Variants in KHDRBS3 observed in about 807,000 individuals in gnomAD.
KHDRBS3 encodes KH domain-containing, RNA-binding, signal transduction-associated protein 3.
In KHDRBS3, 23 loss-of-function variants were observed where a neutral mutation model predicts 45.6. That is an observed-to-expected ratio of 0.50 (90% CI 0.36 to 0.72). KHDRBS3 has a LOEUF of 0.72. Ranked by LOEUF, KHDRBS3 falls within the 30% of genes least tolerant of loss-of-function variation. The pLI, the probability that KHDRBS3 is intolerant of heterozygous loss-of-function variation, is 0.00. For synonymous variants in KHDRBS3, 162 were observed against 156.5 expected (o/e 1.04, Z -0.26); for missense variants, 352 against 424.8 (o/e 0.83, Z 1.51).
intron 6 of KHDRBS3, among the ~76,000 whole-genome samples, chr8:135,589,708 G>T (rs982736154): frequency 6.6e-6 from 1 of 152,160 alleles, no homozygotes; most frequent in Non-Finnish European, 1.5e-5. Flanking sequence ...TAGACTGCGG[G>T]ATCCTTTAGG....
intron 5 of KHDRBS3, among the ~76,000 whole-genome samples, chr8:135,571,577 G>A (rs976176510): frequency 1.3e-5 from 2 of 152,138 alleles, no homozygotes; most frequent in South Asian, 4.1e-4. Context: ...AGAAAAGAGT[G>A]CCATGAAAAT....
chr8:135,499,480 G>A (rs909931955), intron 1 of KHDRBS3, among the ~76,000 whole-genome samples: 1 of 152,070 alleles, frequency 6.6e-6, no homozygotes, highest in Non-Finnish European at 1.5e-5. Context: ...TTGGCTACAT[G>A]TGTATATGTT....
At position 135,639,616 on chromosome 8, in the gene KHDRBS3, C is replaced by T. The variant is rs117491460; in HGVS notation, c.891-5443C>T. ...TGTATTCAAGCCATTTTTGCATTGCCGTAAAGAAGTACCTGGGGCTGGGTA... is the reference window on the plus strand; with the variant it reads ...TGTATTCAAGCCATTTTTGCATTGCTGTAAAGAAGTACCTGGGGCTGGGTA... On this transcript the variant is annotated intron_variant, in intron 7 of 8. Coordinates refer to ENST00000355849, the MANE Select transcript of KHDRBS3 (RefSeq NM_006558.3). Among the ~76,000 whole-genome samples the T allele has an allele frequency of 5.5e-3, 837 of 152,242 alleles. 6 individuals are homozygous for T. The highest frequency in any genetic ancestry group is 0.02 in the Middle Eastern group (6 of 294).
intron 1 of KHDRBS3, among the ~76,000 whole-genome samples, chr8:135,512,384 T>C (rs746221340): frequency 7.2e-6 from 1 of 138,610 alleles, no homozygotes; most frequent in Non-Finnish European, 1.5e-5. Context: ...CCAATGCCTG[T>C]CCTTTAATTA....
intron 8 of KHDRBS3, among the ~76,000 whole-genome samples, chr8:135,646,337 T>C (rs1431052294): frequency 6.6e-6 from 1 of 152,334 alleles, no homozygotes; most frequent in East Asian, 1.9e-4. Flanking sequence ...TCCCTGGTTA[T>C]TAATACCTTT....
intron 4 of KHDRBS3, among the ~76,000 whole-genome samples, chr8:135,556,870 ATT>A (rs1396035027): frequency 6.6e-6 from 1 of 152,172 alleles, no homozygotes; most frequent in Non-Finnish European, 1.5e-5. Flanking sequence ...GAAAGAGCAA[ATT>A]TTCAGGAATA....
At chr8:135,493,357 G>A (rs1563719626) in intron 1 of KHDRBS3, among the ~76,000 whole-genome samples, 1 of 152,026 alleles carries the variant, frequency 6.6e-6, no homozygotes, top group Non-Finnish European at 1.5e-5. Flanking sequence ...GGTAAAAGAG[G>A]ACATTCTTTC....
intron 2 of KHDRBS3, among the ~76,000 whole-genome samples, chr8:135,531,001 T>C (rs373445020): frequency 5.3e-5 from 8 of 152,210 alleles, no homozygotes; most frequent in African/African-American, 1.9e-4. Flanking sequence ...AGCCTGACTT[T>C]TGTAGTCTGG....
intron 5 of KHDRBS3, among the ~76,000 whole-genome samples, chr8:135,562,897 A>G (rs1827236378): frequency 6.6e-6 from 1 of 152,208 alleles, no homozygotes. Flanking sequence ...TCTCCAATGA[A>G]TAGCCATAAA....
At chr8:135,482,384 G>A (rs1407342396) in intron 1 of KHDRBS3, among the ~76,000 whole-genome samples, 2 of 151,862 alleles carry the variant, frequency 1.3e-5, no homozygotes, top group Non-Finnish European at 2.9e-5. Context: ...ATGGTAAATG[G>A]TAAATGGTCA....
At chr8:135,513,423 C>T (rs985946613) in intron 1 of KHDRBS3, among the ~76,000 whole-genome samples, 5 of 152,028 alleles carry the variant, frequency 3.3e-5, no homozygotes, top group African/African-American at 9.7e-5. Context: ...GGGGGGCAGG[C>T]GCTGTTATTT....
intron 5 of KHDRBS3, among the ~76,000 whole-genome samples, chr8:135,562,431 G>C (rs988766097): frequency 1.2e-4 from 19 of 152,114 alleles, no homozygotes; most frequent in African/African-American, 4.6e-4. Flanking sequence ...CGCCACCTAG[G>C]TTTATGTAAG....
chr8:135,462,164 AT>A (rs1354541146), intron 1 of KHDRBS3, among the ~76,000 whole-genome samples: 1 of 146,858 alleles, frequency 6.8e-6, no homozygotes, highest in Non-Finnish European at 1.5e-5. Flanking sequence ...ATAGTTTGTG[AT>A]TTTCTGTTTC....
intron 7 of KHDRBS3, among the ~76,000 whole-genome samples, chr8:135,622,807 A>G (rs1830202168): frequency 6.6e-6 from 1 of 152,164 alleles, no homozygotes; most frequent in Admixed American, 6.5e-5. Flanking sequence ...CTTGACACCC[A>G]GTGTAGTTGG....
chr8:135,550,244 C>T (rs1010393783), intron 4 of KHDRBS3, among the ~76,000 whole-genome samples: 1 of 152,154 alleles, frequency 6.6e-6, no homozygotes, highest in Non-Finnish European at 1.5e-5. Context: ...TCCCATGACC[C>T]TTACGATCCT....
At chr8:135,568,705 CAT>C (rs1229225789) in intron 5 of KHDRBS3, among the ~76,000 whole-genome samples, 1 of 152,186 alleles carries the variant, frequency 6.6e-6, no homozygotes, top group East Asian at 1.9e-4. Flanking sequence ...AAGTAATAAA[CAT>C]GTGCTCTCTG....
Position 135,548,770 on chromosome 8 carries a change from A to T in KHDRBS3, c.341A>T (p.Lys114Ile). The T allele has an allele frequency of 6.5e-7, 1 of 1,543,950 alleles. No individual in the cohort carries two copies. Among genetic ancestry groups the T allele is most frequent in the Non-Finnish European group, 8.7e-7 (1 of 1,146,732 alleles). The change falls in exon 4 of 9, where the codon AAA (lysine) becomes ATA (isoleucine). Residue 114 changes from lysine to isoleucine, a missense_variant. Physicochemically the swap from Lys to Ile is moderately radical, Grantham distance 102. This residue lies in a region of KHDRBS3 where 46 missense variants were observed against 45.9 expected (regional missense o/e 1.00). Coordinates refer to ENST00000355849, the MANE Select transcript of KHDRBS3 (RefSeq NM_006558.3). ...RDKAKEEELR[K>I]SGEAKYFHLN... ...TTTTTCCAGGAAGAAGAGTTGAGGA[A>T]AAGTGGAGAAGCGAAGTACTTCCAT...
intron 1 of KHDRBS3, among the ~76,000 whole-genome samples, chr8:135,472,202 G>T (rs16905372): frequency 0.047 from 7,097 of 152,258 alleles, 261 homozygotes; most frequent in East Asian, 0.18. Context: ...TCACTCTATG[G>T]CAGTGTGGGC....
chr8:135,480,221 A>G (rs1822495410), intron 1 of KHDRBS3, among the ~76,000 whole-genome samples: 2 of 152,204 alleles, frequency 1.3e-5, no homozygotes, highest in South Asian at 4.1e-4. Flanking sequence ...TTGTGAAAGG[A>G]TCAGGAACAA....
Sources: gnomAD v4.1 joint callset for allele counts (sites outside exome capture counted in the v4.1 genomes callset) on GRCh38, gnomAD v4.1.1 for gene constraint, gnomAD v4.1.1 regional missense constraint, MANE v1.5 for transcripts, NCBI Gene and HGNC (gene_info 2026-07-23, HGNC 2026-07-21) for gene names.